The following ANK1 variants were observed in gnomAD, a reference collection of about 807,000 sequenced individuals.
ANK1 encodes the protein ankyrin 1, also known as ankyrin-1.
ANK1 carries 51 observed loss-of-function variants against 210.4 expected under a neutral mutation model. The observed-to-expected ratio is 0.24, with a 90% CI of 0.19 to 0.31. The LOEUF is 0.31. Among genes scored for constraint, ANK1 ranks in the 10% least tolerant of loss-of-function variants. ANK1 has a pLI of 1.00. For missense variants in ANK1, 2,051 were observed against 2,504.4 expected, an observed-to-expected ratio of 0.82 and a Z score of 3.86; for synonymous variants, 967 against 1,025.9, an observed-to-expected ratio of 0.94 and a Z score of 1.10.
intron 1 of ANK1, among the ~76,000 whole-genome samples, chr8:41,843,705 G>A (rs955985788): frequency 9.2e-5 from 14 of 152,150 alleles, no homozygotes; most frequent in Admixed American, 4.6e-4. Context: ...AGATCTCTCC[G>A]CTCTCTCTGC....
intron 1 of ANK1, among the ~76,000 whole-genome samples, chr8:41,852,714 T>A (rs1324579974): frequency 6.6e-6 from 1 of 152,214 alleles, no homozygotes; most frequent in East Asian, 1.9e-4. Context: ...CACGGTCCGA[T>A]GATTTATCGA....
intron 1 of ANK1, among the ~76,000 whole-genome samples, chr8:41,837,913 C>G (rs531705661): frequency 1.3e-5 from 2 of 152,086 alleles, no homozygotes; most frequent in Non-Finnish European, 2.9e-5. Context: ...CTGGTGAACA[C>G]CGTAAGCTCA....
rs528777369 is a variant in ANK1 at position 41,686,013 on chromosome 8, G to A, written c.4390+139C>T. On this transcript the variant is annotated intron_variant, in intron 36 of 42. Transcript: ENST00000289734. ...GACTGCCTGGAAGACCTCCTGATGC[G>A]AGTGGTGCGTGAGTGTGTGTGAGAG... is the stretch of plus-strand genomic sequence containing the variant. The A allele has an allele frequency of 1.7e-5, 23 of 1,363,256 alleles. 1 individual carries two copies. Among genetic ancestry groups the A allele is most frequent in the East Asian group, 9.3e-5 (4 of 42,902 alleles). 84.4% of individuals were successfully genotyped at this position (1,363,256 alleles called of 1,614,324 possible).
chr8:41,818,475 G>A (rs2150787536), intron 1 of ANK1, among the ~76,000 whole-genome samples: 1 of 152,210 alleles, frequency 6.6e-6, no homozygotes, highest in African/African-American at 2.4e-5. Context: ...TTATACCATA[G>A]GTATCAGTAA....
At chr8:41,852,821 T>C (rs1351433829) in intron 1 of ANK1, among the ~76,000 whole-genome samples, 8 of 152,142 alleles carry the variant, frequency 5.3e-5, no homozygotes, top group African/African-American at 1.9e-4. Flanking sequence ...GCCCTGGCCA[T>C]CAAGTGCCTG....
chr8:41,723,035 C>G, intron 9 of ANK1, 90 bp downstream of exon 9: 1 of 1,173,980 alleles, frequency 8.5e-7, no homozygotes, highest in African/African-American at 1.5e-5. Flanking sequence ...GTATTAGCAT[C>G]TCTGTTTTAC....
chr8:41,808,845 T>C (rs1851362574), intron 1 of ANK1, among the ~76,000 whole-genome samples: 1 of 152,242 alleles, frequency 6.6e-6, no homozygotes, highest in South Asian at 2.1e-4. Flanking sequence ...CAGATAATTT[T>C]CTAGACTGCC....
chr8:41,889,999 C>A (rs765898200), intron 1 of ANK1, among the ~76,000 whole-genome samples: 5 of 152,132 alleles, frequency 3.3e-5, no homozygotes, highest in Non-Finnish European at 5.9e-5. Context: ...TTTCCCAGTA[C>A]TGAAAGAATA....
chr8:41,852,026 T>C lies in ANK1; in HGVS notation c.126+44329A>G, dbSNP rs536600495. Among the ~76,000 whole-genome samples, 84 of 152,298 alleles carry C rather than the reference T, an allele frequency of 5.5e-4. 2 individuals are homozygous for C. In the South Asian group the frequency reaches 0.016, roughly 29 times the overall value. On this transcript the variant is annotated intron_variant, in intron 1 of 42. Transcript: ENST00000265709. The stretch of plus-strand genomic sequence containing the variant: ...TGTTCAGACATCACCATGCCCATTT[T>C]ATAACTGAGGAAACTGAGGCTTTAG...
In ANK1 at chr8:41,655,150, GTGTC is replaced by G; in HGVS notation, c.*636_*639del. 6.5e-6 allele frequency: 1 copy of G among 154,414 alleles called. No homozygotes were observed. The highest frequency in any genetic ancestry group is 6.3e-5 in the Admixed American group (1 of 15,814). 9.6% of individuals were successfully genotyped at this position (154,414 alleles called of 1,614,324 possible). On this transcript the variant is annotated 3_prime_UTR_variant, in exon 43 of 43. Coordinates refer to ENST00000289734, the MANE Select transcript of ANK1 (RefSeq NM_000037.4). ...GAGTGGTGTGTGTGTGTGTGTGTGT[GTGTC>G]CTGAATGTCATGTAGAGCGATCTGG...
In ANK1 at chr8:41,672,728, C is replaced by A; in HGVS notation, c.4722G>T (p.Thr1574=). 1 of 1,607,276 alleles carries A rather than the reference C, an allele frequency of 6.2e-7. No individual in the cohort carries two copies. Among genetic ancestry groups the A allele is most frequent in the Non-Finnish European group, 8.5e-7 (1 of 1,175,268 alleles). The change falls in exon 38 of 43, where the codon ACG becomes ACT. Residue 1574 remains threonine (T), a synonymous_variant. Coordinates refer to ENST00000289734, the MANE Select transcript of ANK1 (RefSeq NM_000037.4). Reference sequence around the variant, plus strand: ...AGTCCTCAGCAGTGACCAGAGAAGGCGTGAGGCCCGCAGACCACACCTGCA... The same window carrying A: ...AGTCCTCAGCAGTGACCAGAGAAGGAGTGAGGCCCGCAGACCACACCTGCA... ...SDMQVWSAGL[T]PSLVTAEDSS... is the part of the protein sequence containing the mutation.
chr8:41,666,785 C>T (rs1810689732), intron 39 of ANK1, among the ~76,000 whole-genome samples: 1 of 152,232 alleles, frequency 6.6e-6, no homozygotes, highest in African/African-American at 2.4e-5. Flanking sequence ...GGCATGCTGG[C>T]CTTGCACGTG....
chr8:41,670,723 C>T (rs889611634), intron 38 of ANK1, among the ~76,000 whole-genome samples: 1 of 152,204 alleles, frequency 6.6e-6, no homozygotes, highest in East Asian at 1.9e-4. Context: ...TGAGGGGTCA[C>T]ACAGGTGGGA....
chr8:41,708,823 C>T lies in ANK1; in HGVS notation c.1953G>A (p.Val651=), dbSNP rs1236874131. The change falls in exon 17 of 43, where the codon GTG becomes GTA. Residue 651 remains valine (V), a synonymous_variant. Coordinates refer to ENST00000289734, the MANE Select transcript of ANK1 (RefSeq NM_000037.4). ...TGGCTTGTTTCGAGAGCAGCAGAGC[C>T]ACCATCTCTGCGTGGCCCTCCTGGG... ...LAAQEGHAEM[V]ALLLSKQANG... 5 of 1,614,066 alleles carry T rather than the reference C, an allele frequency of 3.1e-6. No individual in the cohort carries two copies. Among genetic ancestry groups the T allele is most frequent in the African/African-American group, 1.3e-5 (1 of 75,054 alleles).
At chr8:41,715,619 T>C (rs1236723827) in intron 14 of ANK1, 33 bp downstream of exon 14, 25 of 1,611,146 alleles carry the variant, frequency 1.6e-5, no homozygotes, top group Non-Finnish European at 2.1e-5. Context: ...GTGAGCCTGT[T>C]GCTTCCTTAG....
intron 1 of ANK1, among the ~76,000 whole-genome samples, chr8:41,773,882 C>T (rs868645181): frequency 2.6e-5 from 4 of 152,130 alleles, no homozygotes; most frequent in East Asian, 1.9e-4. Context: ...GGCAAGCCTG[C>T]GGGGGACAGG....
chr8:41,655,893 T>G (rs1805518378), intron 42 of ANK1, 140 bp from the exon 43 acceptor site: 1 of 937,558 alleles, frequency 1.1e-6, no homozygotes, highest in Admixed American at 2.0e-5. Context: ...CAGGGCGATG[T>G]GCTGAGGGTG....
intron 1 of ANK1, among the ~76,000 whole-genome samples, chr8:41,871,434 A>T (rs1815468846): frequency 1.3e-5 from 2 of 152,080 alleles, no homozygotes; most frequent in African/African-American, 4.8e-5. Flanking sequence ...CAGCCTTCCA[A>T]AGTGCCAGGA....
chr8:41,674,896 T>C (rs1813666134), intron 37 of ANK1, among the ~76,000 whole-genome samples: 1 of 152,146 alleles, frequency 6.6e-6, no homozygotes, highest in African/African-American at 2.4e-5. Flanking sequence ...GGTCACATCT[T>C]ACCATGAACT....
Sources: allele counts gnomAD v4.1 joint callset (sites outside exome capture counted in the v4.1 genomes callset), GRCh38; gene constraint gnomAD v4.1.1; transcripts MANE v1.5; gene names NCBI Gene and HGNC (gene_info 2026-07-23, HGNC 2026-07-21).